The following MYOM3 variants were observed in gnomAD, a reference collection of about 807,000 sequenced individuals.
The protein encoded by MYOM3 is myomesin 3.
In MYOM3, 155 loss-of-function variants were observed where a neutral mutation model predicts 191.7. That is an observed-to-expected ratio of 0.81 (90% CI 0.71 to 0.92). MYOM3 has a LOEUF of 0.92. Among genes scored for constraint, MYOM3 ranks in the 40% least tolerant of loss-of-function variants. The pLI is 0.00. For synonymous variants in MYOM3, 757 were observed against 762.9 expected, an observed-to-expected ratio of 0.99 and a Z score of 0.13; for missense variants, 1,889 against 1,890.6, an observed-to-expected ratio of 1.00 and a Z score of 0.02.
At chr1:24,074,340 A>T (rs1643571378) in intron 22 of MYOM3, 71 bp from the exon 23 acceptor site, 1 of 1,187,466 alleles carries the variant, frequency 8.4e-7, no homozygotes, top group Non-Finnish European at 1.2e-6. Flanking sequence ...CCTGGGAGCC[A>T]GGGAGTCCAG....
intron 11 of MYOM3, 112 bp from the exon 12 acceptor site, chr1:24,091,108 GC>G (rs1287700116): frequency 1.3e-5 from 16 of 1,223,572 alleles, no homozygotes; most frequent in Non-Finnish European, 1.5e-5. Context: ...GCTCATCTCT[GC>G]CAATTAAAGT....
At chr1:24,072,999 T>C (rs1643550393) in intron 23 of MYOM3, among the ~76,000 whole-genome samples, 1 of 152,194 alleles carries the variant, frequency 6.6e-6, no homozygotes. Flanking sequence ...TCCTTAACAC[T>C]ATGAGTCTAG....
chr1:24,058,506 G>A (rs1643330020), intron 36 of MYOM3, among the ~76,000 whole-genome samples: 1 of 152,144 alleles, frequency 6.6e-6, no homozygotes, highest in African/African-American at 2.4e-5. Flanking sequence ...TTACCTTGAT[G>A]GCTAAAGAAG....
chr1:24,065,912 C>G lies in MYOM3; in HGVS notation c.3513G>C (p.Thr1171=), dbSNP rs765255132. 6.2e-7 allele frequency: 1 copy of G among 1,612,608 alleles called. No individual in the cohort carries two copies. Among genetic ancestry groups the G allele is most frequent in the East Asian group, 2.2e-5 (1 of 44,872 alleles). ...PDGQYDPETG[T]GLLCIEELSK... ...TTGCCTCTTCAATGCAGAGAAGTCC[C>G]GTTCCCGTCTCTGGGTCATACTGAC... The change falls in exon 29 of 37, where the codon ACG becomes ACC. Residue 1171 remains threonine, a synonymous_variant. Coordinates refer to ENST00000374434, the MANE Select transcript of MYOM3 (RefSeq NM_152372.4).
chr1:24,057,383 T>C lies in MYOM3; in HGVS notation c.4295A>G (p.Lys1432Arg), dbSNP rs59805085. The C allele has an allele frequency of 7.8e-3, 12,621 of 1,613,674 alleles. 806 individuals are homozygous for C. The African/African-American group carries it at 0.14, about 18-fold the overall frequency. The change falls in exon 37 of 37, where the codon AAG (lysine) becomes AGG (arginine). Residue 1432 changes from lysine (K) to arginine (R), a missense_variant. Lys to Arg is a conservative substitution (Grantham distance 26, BLOSUM62 2). Transcript: ENST00000374434. ...ISVFKHGDEP[K>R]ELKSM ...ACGCTGTCACATGCTCTTCAGCTCC[T>C]TGGGCTCGTCCCCGTGCTTGAACAC...
At position 24,084,543 on chromosome 1, in the gene MYOM3, C is replaced by T; in HGVS notation, c.1895G>A (p.Gly632Asp). Reference protein sequence around the residue: ...WDPVKDPELLGYYIYSRKVGT... With the variant: ...WDPVKDPELLDYYIYSRKVGT... ...CACCTTCCGGGAGTAGATGTAATAA[C>T]CCAGGAGCTCTGGGTCTTTCACAGG... is the stretch of plus-strand genomic sequence containing the variant. The change falls in exon 16 of 37, where the codon GGT becomes GAT. Residue 632 changes from glycine (G) to aspartate (D), a missense_variant. Transcript: ENST00000374434. 6.2e-7 allele frequency: 1 copy of T among 1,614,118 alleles called. No homozygotes were observed. Among genetic ancestry groups the T allele is most frequent in the Non-Finnish European group, 8.5e-7 (1 of 1,180,028 alleles).
chr1:24,099,552 C>T, intron 6 of MYOM3, 128 bp downstream of exon 6: 1 of 698,970 alleles, frequency 1.4e-6, no homozygotes, highest in Non-Finnish European at 2.5e-6. Flanking sequence ...GTATTTTGAC[C>T]AGCACCCTAG....
At position 24,089,536 on chromosome 1, in the gene MYOM3, A is replaced by G. The variant is rs775013307; in HGVS notation, c.1614+2T>C. 3.6e-5 allele frequency: 57 copies of G among 1,596,270 alleles called. 1 individual carries two copies. In the South Asian group the frequency reaches 5.9e-4, roughly 17 times the overall value. ...TGGGGCTGGGGCCTCGGGGTTCCCT[A>G]CCTTCTCCAGGGAGTACGTCAGTGG... On this transcript the variant is annotated splice_donor_variant, in intron 14 of 36. Transcript: ENST00000374434. LOFTEE classifies it high-confidence loss of function.
At chr1:24,079,580 T>C (rs1006596208) in intron 20 of MYOM3, among the ~76,000 whole-genome samples, 2 of 152,212 alleles carry the variant, frequency 1.3e-5, no homozygotes, top group South Asian at 4.1e-4. Flanking sequence ...ACTTTTAAGG[T>C]ACACTGTGAT....
At chr1:24,078,257 G>A (rs1643625305) in intron 20 of MYOM3, among the ~76,000 whole-genome samples, 2 of 151,986 alleles carry the variant, frequency 1.3e-5, no homozygotes, top group Admixed American at 1.3e-4. Context: ...TGAGATTACA[G>A]GCACGCGCCA....
At position 24,108,568 on chromosome 1, in the gene MYOM3, C is replaced by T; in HGVS notation, c.69G>A (p.Arg23=). 1 of 1,578,440 alleles carries T rather than the reference C, an allele frequency of 6.3e-7. No individual in the cohort carries two copies. The highest frequency in any genetic ancestry group is 2.3e-5 in the East Asian group (1 of 43,102). ...GCTCCTCCTCCTGCCGGTGCTCCAG[C>T]CTGTGAACCTCCATGGCCTGGGGGG... ...PRPPQAMEVH[R]LEHRQEEEQK... The change falls in exon 2 of 37, where the codon AGG becomes AGA. Residue 23 remains arginine, a synonymous_variant. Transcript: ENST00000374434.
intron 19 of MYOM3, among the ~76,000 whole-genome samples, chr1:24,080,605 G>T (rs1372672520): frequency 1.3e-5 from 2 of 152,108 alleles, no homozygotes; most frequent in African/African-American, 2.4e-5. Context: ...TAGCCTCTTT[G>T]TTCCTGTCCC....
At chr1:24,059,977 G>C (rs1440771318) in intron 35 of MYOM3, among the ~76,000 whole-genome samples, 1 of 152,178 alleles carries the variant, frequency 6.6e-6, no homozygotes, top group African/African-American at 2.4e-5. Flanking sequence ...TGCAGTTGTG[G>C]GCAGAAAGTG....
Position 24,060,566 on chromosome 1 carries a change from G to C in MYOM3, c.3994+494C>G, listed in dbSNP as rs561132315. On this transcript the variant is annotated intron_variant, in intron 35 of 36. Coordinates refer to ENST00000374434, the MANE Select transcript of MYOM3 (RefSeq NM_152372.4). Reference sequence around the variant, plus strand: ...CAGACAGCCAGACTCCTACCACCAGGCCGCTTAGAACTGGCTTGGGTTGGG... The same window carrying C: ...CAGACAGCCAGACTCCTACCACCAGCCCGCTTAGAACTGGCTTGGGTTGGG... 6.6e-5 allele frequency among the ~76,000 whole-genome samples: 10 copies of C among 152,288 alleles called. No individual in the cohort carries two copies. In the East Asian group the frequency reaches 1.9e-3, roughly 29 times the overall value.
chr1:24,095,414 A>G lies in MYOM3; in HGVS notation c.790+28T>C, dbSNP rs778364534. On this transcript the variant is annotated intron_variant, in intron 8 of 36. Coordinates refer to ENST00000374434, the MANE Select transcript of MYOM3 (RefSeq NM_152372.4). ...GAGCAAAGCCTGAACAAAGAATCCC[A>G]GGTCCCGTTCTCCCCCAGCCGACTT... 3.1e-6 allele frequency: 5 copies of G among 1,603,590 alleles called. No individual in the cohort carries two copies. In the South Asian group the frequency reaches 5.5e-5, roughly 18 times the overall value.
At chr1:24,068,147 C>T in intron 26 of MYOM3, 76 bp downstream of exon 26, 1 of 1,519,038 alleles carries the variant, frequency 6.6e-7, no homozygotes, top group Non-Finnish European at 9.0e-7. Context: ...GCCGAGGACT[C>T]AGGGCTGCAG....
At chr1:24,076,136 C>G in intron 21 of MYOM3, 23 bp downstream of exon 21, 1 of 1,584,528 alleles carries the variant, frequency 6.3e-7, no homozygotes, top group Non-Finnish European at 8.7e-7. Flanking sequence ...TGGCAGAGCT[C>G]TGGCCTCTCC....
At chr1:24,109,093 G>C (rs1206577702) in intron 1 of MYOM3, among the ~76,000 whole-genome samples, 1 of 152,164 alleles carries the variant, frequency 6.6e-6, no homozygotes. Flanking sequence ...TTCCTGCACC[G>C]GCCATGTTCA....
intron 18 of MYOM3, 118 bp downstream of exon 18, chr1:24,081,883 T>C (rs768772057): frequency 2.0e-6 from 2 of 1,002,842 alleles, no homozygotes; most frequent in Admixed American, 2.7e-5. Flanking sequence ...TCTCGATGGC[T>C]GAGGCAGGGG....
Sources: gnomAD v4.1 joint callset for allele counts (sites outside exome capture counted in the v4.1 genomes callset) on GRCh38, gnomAD v4.1.1 for gene constraint, MANE v1.5 for transcripts, NCBI Gene and HGNC (gene_info 2026-07-23, HGNC 2026-07-21) for gene names.